OPCML: variants seen among roughly 807,000 people sequenced by gnomAD.
OPCML encodes the protein opioid binding protein/cell adhesion molecule like, also known as opioid-binding protein/cell adhesion molecule.
In OPCML, 13 loss-of-function variants were observed where a neutral mutation model predicts 37.8. The observed-to-expected ratio is 0.34, with a 90% CI of 0.22 to 0.55. OPCML has a LOEUF of 0.55. OPCML is among the 20% of genes least tolerant of loss of function. OPCML has a pLI of 0.91. For missense variants in OPCML, 341 were observed against 435.6 expected (o/e 0.78, Z 1.93); for synonymous variants, 176 against 168.8 (o/e 1.04, Z -0.33).
intron 1 of OPCML, among the ~76,000 whole-genome samples, chr11:133,110,962 G>A (rs1211535507): frequency 6.6e-6 from 1 of 152,162 alleles, no homozygotes; most frequent in Non-Finnish European, 1.5e-5. Context: ...TTACTCATCT[G>A]TAAGGTGGGA....
intron 1 of OPCML, among the ~76,000 whole-genome samples, chr11:133,104,239 T>C (rs555026639): frequency 1.1e-4 from 17 of 152,152 alleles, no homozygotes; most frequent in Non-Finnish European, 2.2e-4. Flanking sequence ...TGATGAAGCT[T>C]TTCCATGGCA....
intron 2 of OPCML, among the ~76,000 whole-genome samples, chr11:132,739,792 A>G (rs1945378852): frequency 6.6e-6 from 1 of 152,214 alleles, no homozygotes; most frequent in African/African-American, 2.4e-5. Context: ...GCTTATCATC[A>G]TTATAATCAT....
At chr11:133,435,765 T>C (rs948361) in intron 1 of OPCML, among the ~76,000 whole-genome samples, 53,896 of 152,152 alleles carry the variant, frequency 0.35, 13,942 homozygotes, top group African/African-American at 0.73. Context: ...TCTCTGACTT[T>C]GTTTGCAAAA....
At chr11:132,825,287 C>A (rs1164987554) in intron 2 of OPCML, among the ~76,000 whole-genome samples, 2 of 152,048 alleles carry the variant, frequency 1.3e-5, no homozygotes, top group Non-Finnish European at 2.9e-5. Flanking sequence ...TATATATGAG[C>A]CTCTAGATAC....
intron 1 of OPCML, among the ~76,000 whole-genome samples, chr11:133,251,931 TTGTC>T (rs1211767077): frequency 6.6e-6 from 1 of 152,154 alleles, no homozygotes; most frequent in Non-Finnish European, 1.5e-5. Flanking sequence ...GTCCCATCCT[TTGTC>T]TGAGAGATTC....
intron 1 of OPCML, among the ~76,000 whole-genome samples, chr11:133,196,187 T>C (rs1938530393): frequency 6.6e-6 from 1 of 152,140 alleles, no homozygotes. Context: ...GACTTTGGGG[T>C]TTACTGCACC....
chr11:133,348,274 C>G (rs1944046345), intron 1 of OPCML, among the ~76,000 whole-genome samples: 1 of 152,230 alleles, frequency 6.6e-6, no homozygotes, highest in African/African-American at 2.4e-5. Flanking sequence ...CCAATTGAAT[C>G]TCATCTAGCA....
intron 1 of OPCML, among the ~76,000 whole-genome samples, chr11:133,057,277 T>C (rs1454165640): frequency 6.6e-6 from 1 of 152,246 alleles, no homozygotes; most frequent in Non-Finnish European, 1.5e-5. Context: ...ATAACCTCTG[T>C]TGCCAGGAGG....
chr11:132,753,133 C>G (rs1208625867), intron 2 of OPCML, among the ~76,000 whole-genome samples: 1 of 152,160 alleles, frequency 6.6e-6, no homozygotes, highest in Non-Finnish European at 1.5e-5. Flanking sequence ...CCTCCATTCA[C>G]TACTCCCCCT....
chr11:132,996,618 CAA>C (rs11285711), intron 1 of OPCML, among the ~76,000 whole-genome samples: 2,061 of 123,322 alleles, frequency 0.017, 22 homozygotes, highest in Middle Eastern at 0.028. Context: ...GGCTCCATCT[CAA>C]AAAAAAAAAA....
chr11:133,142,335 G>A (rs1019946457), intron 1 of OPCML, among the ~76,000 whole-genome samples: 4 of 152,134 alleles, frequency 2.6e-5, no homozygotes, highest in Admixed American at 2.6e-4. Context: ...ATCCCACTCT[G>A]GTCAGAATGA....
intron 1 of OPCML, among the ~76,000 whole-genome samples, chr11:133,513,711 G>C (rs1281435583): frequency 6.6e-6 from 1 of 152,156 alleles, no homozygotes; most frequent in East Asian, 1.9e-4. Context: ...TCTAGTGCCT[G>C]GTAGAAAGTG....
intron 2 of OPCML, among the ~76,000 whole-genome samples, chr11:132,703,823 G>A (rs1476478153): frequency 5.9e-5 from 9 of 152,186 alleles, no homozygotes; most frequent in East Asian, 1.9e-4. Context: ...GGCTGTCCTG[G>A]TGTTAGGGCA....
intron 2 of OPCML, among the ~76,000 whole-genome samples, chr11:132,695,209 TG>T (rs1248260283): frequency 6.6e-6 from 1 of 152,174 alleles, no homozygotes; most frequent in Non-Finnish European, 1.5e-5. Context: ...GACTGTTCAT[TG>T]GAAGCACGGC....
At chr11:132,958,955 A>G (rs1350821239) in intron 1 of OPCML, among the ~76,000 whole-genome samples, 1 of 152,242 alleles carries the variant, frequency 6.6e-6, no homozygotes, top group Non-Finnish European at 1.5e-5. Flanking sequence ...CATGAATCAA[A>G]AACAAATTTC....
intron 2 of OPCML, among the ~76,000 whole-genome samples, chr11:132,789,241 T>C (rs1042325086): frequency 2.6e-5 from 4 of 152,222 alleles, no homozygotes; most frequent in Non-Finnish European, 5.9e-5. Flanking sequence ...CAATTGTTTA[T>C]TTCATGTCTG....
chr11:132,580,776 A>C (rs1046275311), intron 3 of OPCML, among the ~76,000 whole-genome samples: 3 of 152,182 alleles, frequency 2.0e-5, no homozygotes, highest in Non-Finnish European at 4.4e-5. Flanking sequence ...TCAGTGGCTT[A>C]AGAGTTAAAC....
intron 1 of OPCML, among the ~76,000 whole-genome samples, chr11:133,403,207 G>T (rs1054479901): frequency 6.6e-6 from 1 of 152,090 alleles, no homozygotes; most frequent in Admixed American, 6.5e-5. Flanking sequence ...TTAGTGACAT[G>T]GACTTACCTA....
chr11:132,495,665 G>A (rs535950091), intron 4 of OPCML, among the ~76,000 whole-genome samples: 3 of 152,274 alleles, frequency 2.0e-5, no homozygotes, highest in Non-Finnish European at 2.9e-5. Flanking sequence ...GCCGAGGCAG[G>A]CAGATCACGA....
Sources: allele counts gnomAD v4.1 joint callset (sites outside exome capture counted in the v4.1 genomes callset), GRCh38; gene constraint gnomAD v4.1.1; transcripts MANE v1.5; gene names NCBI Gene and HGNC (gene_info 2026-07-23, HGNC 2026-07-21).